ENTREP2: variants seen among roughly 807,000 people sequenced by gnomAD.
ENTREP2 encodes the protein protein ENTREP2.
chr15:29,258,343 T>C, the ENTREP2 span, among the ~76,000 whole-genome samples: 18 of 152,120 alleles, frequency 1.2e-4, no homozygotes, highest in Middle Eastern at 3.4e-3. Flanking sequence ...AGCTTTGAAA[T>C]TGAGGTCAAA....
At chr15:29,302,304 G>T in the ENTREP2 span, among the ~76,000 whole-genome samples, 1 of 152,072 alleles carries the variant, frequency 6.6e-6, no homozygotes, top group Admixed American at 6.6e-5. Context: ...AGTCCAAGCT[G>T]TTCATTCAAC....
At chr15:29,467,515 G>C in the ENTREP2 span, among the ~76,000 whole-genome samples, 3 of 152,258 alleles carry the variant, frequency 2.0e-5, no homozygotes, top group East Asian at 5.8e-4. Context: ...TGTTCGATGG[G>C]AACACAGTGT....
chr15:29,356,290 A>AGTTTTTTT, the ENTREP2 span, among the ~76,000 whole-genome samples: 1 of 55,348 alleles, frequency 1.8e-5, no homozygotes, highest in Non-Finnish European at 3.4e-5. Context: ...ATATATATAT[A>AGTTTTTTT]TATATATTTT....
the ENTREP2 span, among the ~76,000 whole-genome samples, chr15:29,272,102 A>C: frequency 6.6e-6 from 1 of 152,116 alleles, no homozygotes; most frequent in Non-Finnish European, 1.5e-5. Context: ...AGAGGAGAAG[A>C]GATACCAGTT....
At chr15:29,159,029 A>T in the ENTREP2 span, among the ~76,000 whole-genome samples, 1 of 152,218 alleles carries the variant, frequency 6.6e-6, no homozygotes, top group Non-Finnish European at 1.5e-5. Context: ...TAAACAGTTC[A>T]GGACATTGAG....
chr15:29,464,568 G>C, the ENTREP2 span, among the ~76,000 whole-genome samples: 1 of 152,346 alleles, frequency 6.6e-6, no homozygotes, highest in East Asian at 1.9e-4. Context: ...ACTTCAGGAA[G>C]CAAGTGCCAG....
chr15:29,457,431 G>A, the ENTREP2 span, among the ~76,000 whole-genome samples: 6 of 152,226 alleles, frequency 3.9e-5, no homozygotes, highest in African/African-American at 1.2e-4. Flanking sequence ...CATCTTCTGT[G>A]TCCCTTGCAG....
chr15:29,626,582 G>A, the ENTREP2 span, among the ~76,000 whole-genome samples: 1 of 152,186 alleles, frequency 6.6e-6, no homozygotes, highest in Non-Finnish European at 1.5e-5. Context: ...GACTAATACA[G>A]TATCTTACTT....
At chr15:29,630,884 T>C in the ENTREP2 span, among the ~76,000 whole-genome samples, 1 of 152,194 alleles carries the variant, frequency 6.6e-6, no homozygotes, top group Non-Finnish European at 1.5e-5. Context: ...GATTTCACCA[T>C]GTTGGCCAGG....
chr15:29,507,443 A>T, the ENTREP2 span, among the ~76,000 whole-genome samples: 2 of 152,192 alleles, frequency 1.3e-5, no homozygotes, highest in African/African-American at 4.8e-5. Flanking sequence ...CCCCAAATCA[A>T]CAGAGTATAC....
the ENTREP2 span, chr15:29,123,583 T>C: frequency 1.3e-6 from 2 of 1,551,624 alleles, no homozygotes. Context: ...TTGGTCAGTT[T>C]TCCAGGTATC....
the ENTREP2 span, among the ~76,000 whole-genome samples, chr15:29,301,514 A>C: frequency 6.6e-6 from 1 of 152,222 alleles, no homozygotes; most frequent in African/African-American, 2.4e-5. Flanking sequence ...ACACTTAGTA[A>C]ATAAATATGG....
the ENTREP2 span, among the ~76,000 whole-genome samples, chr15:29,417,462 T>G: frequency 4.5e-4 from 69 of 151,942 alleles, no homozygotes; most frequent in South Asian, 8.3e-4. Flanking sequence ...ATGGACACAG[T>G]AAGGGGAACA....
At chr15:29,493,600 A>C in the ENTREP2 span, among the ~76,000 whole-genome samples, 5 of 151,852 alleles carry the variant, frequency 3.3e-5, no homozygotes, top group Non-Finnish European at 7.4e-5. Context: ...CAGTGTGCAG[A>C]GTAAGATCCT....
chr15:29,364,417 A>C, the ENTREP2 span, among the ~76,000 whole-genome samples: 1 of 152,200 alleles, frequency 6.6e-6, no homozygotes, highest in Non-Finnish European at 1.5e-5. Context: ...TAAGTGCAGC[A>C]GGCATCTATC....
chr15:29,396,717 C>A, the ENTREP2 span, among the ~76,000 whole-genome samples: 1 of 152,168 alleles, frequency 6.6e-6, no homozygotes, highest in Non-Finnish European at 1.5e-5. Context: ...CCCTAAGCTT[C>A]CTTCTAAGAG....
At chr15:29,473,399 T>C in the ENTREP2 span, among the ~76,000 whole-genome samples, 3 of 152,032 alleles carry the variant, frequency 2.0e-5, no homozygotes, top group Non-Finnish European at 2.9e-5. Flanking sequence ...GCAGCTGCAG[T>C]TCCCCCCATG....
At chr15:29,628,121 C>T in the ENTREP2 span, among the ~76,000 whole-genome samples, 2 of 152,218 alleles carry the variant, frequency 1.3e-5, no homozygotes, top group African/African-American at 4.8e-5. Flanking sequence ...GGTTAAATTT[C>T]TTCACATCCT....
the ENTREP2 span, among the ~76,000 whole-genome samples, chr15:29,537,283 G>A: frequency 6.6e-6 from 1 of 152,062 alleles, no homozygotes; most frequent in Non-Finnish European, 1.5e-5. Flanking sequence ...TAACCAGCCA[G>A]CACCAACATC....
Sources: gnomAD v4.1 joint callset for allele counts (sites outside exome capture counted in the v4.1 genomes callset) on GRCh38, gnomAD v4.1.1 for gene constraint, MANE v1.5 for transcripts, NCBI Gene and HGNC (gene_info 2026-07-23, HGNC 2026-07-21) for gene names.